SLC39A11: variants seen among roughly 807,000 people sequenced by gnomAD.
SLC39A11 encodes zinc transporter ZIP11.
In SLC39A11, 33 loss-of-function variants were observed where a neutral mutation model predicts 36.1. The ratio of observed to expected loss-of-function variants is 0.91; its 90% confidence interval spans 0.69 to 1.22. The LOEUF (loss-of-function observed/expected upper bound fraction) is 1.22. Ranked by LOEUF, SLC39A11 falls within the 50% of genes most tolerant of loss-of-function variation. The probability of loss-of-function intolerance (pLI) is 0.00; values close to 1 mark genes in which losing one functional copy is unlikely to be tolerated. For missense variants in SLC39A11, 432 were observed against 430.3 expected, an observed-to-expected ratio of 1.00 and a Z score of -0.03; for synonymous variants, 166 against 170.3, an observed-to-expected ratio of 0.97 and a Z score of 0.20.
At chr17:72,895,629 G>A (rs1400620600) in intron 5 of SLC39A11, among the ~76,000 whole-genome samples, 1 of 151,036 alleles carries the variant, frequency 6.6e-6, no homozygotes, top group Non-Finnish European at 1.5e-5. Flanking sequence ...CTCTAAACAT[G>A]CTGTTTATAT....
At chr17:72,726,813 C>A (rs1490705081) in intron 7 of SLC39A11, among the ~76,000 whole-genome samples, 1 of 152,138 alleles carries the variant, frequency 6.6e-6, no homozygotes, top group Non-Finnish European at 1.5e-5. Flanking sequence ...GAGAGGCAAA[C>A]ATATATCTTA....
At chr17:72,826,573 G>T (rs1044039973) in intron 6 of SLC39A11, among the ~76,000 whole-genome samples, 1 of 152,142 alleles carries the variant, frequency 6.6e-6, no homozygotes, top group Non-Finnish European at 1.5e-5. Flanking sequence ...GTAGATCCAG[G>T]CTGTTTATAA....
chr17:73,004,232 A>AAAGAAAGAAAAG, intron 4 of SLC39A11, among the ~76,000 whole-genome samples: 1,547 of 88,450 alleles, frequency 0.017, 47 homozygotes, highest in Non-Finnish European at 0.02. Context: ...AGAAAGAAAG[A>AAAGAAAGAAAAG]AAAGAAAGAA....
chr17:72,911,779 A>G (rs67622236), intron 5 of SLC39A11, among the ~76,000 whole-genome samples: 77,398 of 151,610 alleles, frequency 0.51, 19,703 homozygotes, highest in African/African-American at 0.53. Flanking sequence ...GAGTAGCTGG[A>G]ATTACAGGCA....
At chr17:72,923,046 T>C (rs1439288942) in intron 5 of SLC39A11, among the ~76,000 whole-genome samples, 1 of 149,994 alleles carries the variant, frequency 6.7e-6, no homozygotes, top group Non-Finnish European at 1.5e-5. Context: ...TTGCTTTGTA[T>C]GGTGATTTGG....
chr17:72,903,866 T>C (rs1474846688), intron 5 of SLC39A11, among the ~76,000 whole-genome samples: 1 of 152,066 alleles, frequency 6.6e-6, no homozygotes, highest in Non-Finnish European at 1.5e-5. Context: ...CCTAAAACCA[T>C]GCCCCACCTC....
intron 6 of SLC39A11, among the ~76,000 whole-genome samples, chr17:72,799,623 A>T (rs889954891): frequency 6.6e-6 from 1 of 152,138 alleles, no homozygotes; most frequent in African/African-American, 2.4e-5. Context: ...TATGCAGTTG[A>T]GATAAGGACT....
chr17:72,675,020 A>AAG (rs543397828), intron 7 of SLC39A11, among the ~76,000 whole-genome samples: 2 of 151,840 alleles, frequency 1.3e-5, no homozygotes, highest in African/African-American at 4.8e-5. Context: ...CAGAGACAGA[A>AAG]AGAGAGAGAG....
chr17:72,929,362 C>A (rs1395813236), intron 5 of SLC39A11, among the ~76,000 whole-genome samples: 2 of 152,132 alleles, frequency 1.3e-5, no homozygotes, highest in Non-Finnish European at 2.9e-5. Context: ...AGAACTGGCC[C>A]GCCCCAAATG....
At chr17:72,918,416 A>G (rs1005399759) in intron 5 of SLC39A11, among the ~76,000 whole-genome samples, 5 of 152,156 alleles carry the variant, frequency 3.3e-5, no homozygotes, top group African/African-American at 1.2e-4. Flanking sequence ...TCTCCAAAAA[A>G]GAAAAAAGAA....
intron 4 of SLC39A11, among the ~76,000 whole-genome samples, chr17:72,967,399 A>AGTGTGTGTGT (rs1555655753): frequency 1.1e-4 from 15 of 138,264 alleles, no homozygotes; most frequent in African/African-American, 4.2e-4. Context: ...AGAGAGAGAG[A>AGTGTGTGTGT]GTGTGTGTGT....
chr17:72,650,616 A>T (rs112070140), intron 7 of SLC39A11, among the ~76,000 whole-genome samples: 17 of 152,338 alleles, frequency 1.1e-4, no homozygotes, highest in African/African-American at 4.1e-4. Flanking sequence ...CATCTGATCA[A>T]CAATGATCTA....
At chr17:72,802,459 G>A (rs558282613) in intron 6 of SLC39A11, among the ~76,000 whole-genome samples, 7 of 151,694 alleles carry the variant, frequency 4.6e-5, no homozygotes, top group East Asian at 1.9e-4. Context: ...GCACGGTGGC[G>A]GGCGCCTGTA....
intron 7 of SLC39A11, among the ~76,000 whole-genome samples, chr17:72,734,773 G>A (rs1469222321): frequency 6.6e-6 from 1 of 152,210 alleles, no homozygotes; most frequent in Non-Finnish European, 1.5e-5. Flanking sequence ...GGGCACAGCT[G>A]TCACTTGCTG....
chr17:72,698,554 T>C (rs1006715365), intron 7 of SLC39A11, among the ~76,000 whole-genome samples: 2 of 151,970 alleles, frequency 1.3e-5, no homozygotes, highest in Admixed American at 6.5e-5. Flanking sequence ...ATTCTCCTTT[T>C]TGGGTGTTTG....
intron 4 of SLC39A11, among the ~76,000 whole-genome samples, chr17:72,961,596 G>A (rs1247072193): frequency 6.6e-6 from 1 of 152,106 alleles, no homozygotes; most frequent in African/African-American, 2.4e-5. Flanking sequence ...CAGGGACATG[G>A]ATGAAGCTGG....
At chr17:72,887,179 TCA>T (rs1234725520) in intron 5 of SLC39A11, among the ~76,000 whole-genome samples, 1 of 152,136 alleles carries the variant, frequency 6.6e-6, no homozygotes, top group Non-Finnish European at 1.5e-5. Flanking sequence ...ATAGCACGAA[TCA>T]CACACCCATC....
intron 7 of SLC39A11, among the ~76,000 whole-genome samples, chr17:72,688,361 A>T (rs1195413497): frequency 6.6e-6 from 1 of 152,222 alleles, no homozygotes; most frequent in Non-Finnish European, 1.5e-5. Flanking sequence ...AATATTTTCC[A>T]GGCAAATAAT....
intron 6 of SLC39A11, among the ~76,000 whole-genome samples, chr17:72,746,460 T>TAA (rs71154914): frequency 6.6e-6 from 1 of 151,680 alleles, no homozygotes; most frequent in Non-Finnish European, 1.5e-5. Context: ...TACAAAAAAT[T>TAA]AAAAAATTGG....
Sources: allele counts gnomAD v4.1 joint callset (sites outside exome capture counted in the v4.1 genomes callset), GRCh38; gene constraint gnomAD v4.1.1; transcripts MANE v1.5; gene names NCBI Gene and HGNC (gene_info 2026-07-23, HGNC 2026-07-21).